VCF1: variants seen among roughly 807,000 people sequenced by gnomAD.
VCF1 encodes the protein protein VCF1.
the VCF1 span, among the ~76,000 whole-genome samples, chr17:73,225,402 T>C: frequency 1.3e-5 from 2 of 151,408 alleles, no homozygotes. Context: ...CTGCCTTACT[T>C]AAGAGATCAG....
the VCF1 span, chr17:73,209,793 G>A: frequency 6.5e-7 from 1 of 1,537,744 alleles, no homozygotes. Context: ...AAAGAAACAG[G>A]GTCACAATAA....
chr17:73,225,125 T>C, the VCF1 span, among the ~76,000 whole-genome samples: 1 of 146,274 alleles, frequency 6.8e-6, no homozygotes, highest in Non-Finnish European at 1.5e-5. Context: ...GATCTACCAG[T>C]GAGTTCAGAC....
chr17:73,219,542 C>A, the VCF1 span, among the ~76,000 whole-genome samples: 18 of 150,284 alleles, frequency 1.2e-4, no homozygotes, highest in East Asian at 3.3e-3. Flanking sequence ...TCCAGCTACT[C>A]GGGAGGCTGA....
the VCF1 span, among the ~76,000 whole-genome samples, chr17:73,231,813 G>A: frequency 4.0e-5 from 6 of 151,710 alleles, no homozygotes; most frequent in African/African-American, 1.2e-4. Context: ...TTCCGGGACC[G>A]ATCACACTTC....
the VCF1 span, chr17:73,209,654 G>A: frequency 8.4e-6 from 13 of 1,553,380 alleles, no homozygotes; most frequent in Non-Finnish European, 1.1e-5. Context: ...GGCGTGTTAG[G>A]GCTGGATCCG....
chr17:73,211,579 A>AAAG, the VCF1 span, among the ~76,000 whole-genome samples: 1 of 147,972 alleles, frequency 6.8e-6, no homozygotes, highest in African/African-American at 2.5e-5. Context: ...AAAAAAAAAA[A>AAAG]GGCCAGGCGC....
chr17:73,209,494 T>C, the VCF1 span: 2 of 1,559,890 alleles, frequency 1.3e-6, no homozygotes, highest in Non-Finnish European at 1.7e-6. Context: ...TGCACAGCGC[T>C]GTCCCTTCAC....
the VCF1 span, chr17:73,207,993 G>T: frequency 7.8e-7 from 1 of 1,277,452 alleles, no homozygotes; most frequent in Non-Finnish European, 1.0e-6. Flanking sequence ...CTATGTTGCA[G>T]CCTCTTCCAG....
the VCF1 span, among the ~76,000 whole-genome samples, chr17:73,217,189 A>C: frequency 1.3e-5 from 2 of 152,034 alleles, no homozygotes; most frequent in East Asian, 3.9e-4. Context: ...AAACCAAAAC[A>C]AAACAAAACA....
chr17:73,226,869 G>A, the VCF1 span, among the ~76,000 whole-genome samples: 94 of 152,262 alleles, frequency 6.2e-4, 3 homozygotes, highest in South Asian at 2.1e-4. Flanking sequence ...AAAGAAGTTC[G>A]CTGCTGAAAT....
At chr17:73,232,363 G>A in the VCF1 span, 9 of 1,466,160 alleles carry the variant, frequency 6.1e-6, no homozygotes, top group Non-Finnish European at 6.3e-6. Flanking sequence ...CATCCCAACC[G>A]CACCGACTGG....
chr17:73,212,882 T>C, the VCF1 span: 4 of 493,246 alleles, frequency 8.1e-6, no homozygotes, highest in African/African-American at 8.1e-5. Flanking sequence ...TTAGGGAAGA[T>C]TTCTGTACAT....
chr17:73,215,161 A>G, the VCF1 span, among the ~76,000 whole-genome samples: 1 of 152,252 alleles, frequency 6.6e-6, no homozygotes, highest in Non-Finnish European at 1.5e-5. Flanking sequence ...TCTGTGTGAA[A>G]AAGGATTCTA....
At chr17:73,228,728 G>C in the VCF1 span, among the ~76,000 whole-genome samples, 2 of 152,126 alleles carry the variant, frequency 1.3e-5, no homozygotes, top group Non-Finnish European at 2.9e-5. Context: ...TCATTAAATG[G>C]GTGTGCTTTT....
chr17:73,231,586 T>A, the VCF1 span, among the ~76,000 whole-genome samples: 15 of 152,328 alleles, frequency 9.8e-5, no homozygotes, highest in South Asian at 3.1e-3. Flanking sequence ...CCTTCTGTGT[T>A]CACAACCGTT....
At chr17:73,214,317 A>T in the VCF1 span, among the ~76,000 whole-genome samples, 3 of 25,994 alleles carry the variant, frequency 1.2e-4, no homozygotes, top group Non-Finnish European at 2.3e-4. Context: ...AACCAGCATT[A>T]AAAAAAAAAA....
the VCF1 span, among the ~76,000 whole-genome samples, chr17:73,213,476 T>A: frequency 6.6e-6 from 1 of 152,250 alleles, no homozygotes; most frequent in African/African-American, 2.4e-5. Context: ...ATATATAGTA[T>A]ATCAGTTGAT....
chr17:73,231,319 G>A, the VCF1 span, among the ~76,000 whole-genome samples: 1 of 152,118 alleles, frequency 6.6e-6, no homozygotes, highest in Non-Finnish European at 1.5e-5. Flanking sequence ...TTCTTGCAGA[G>A]GAAATTAAGA....
the VCF1 span, among the ~76,000 whole-genome samples, chr17:73,226,136 C>T: frequency 5.9e-5 from 9 of 151,828 alleles, no homozygotes; most frequent in African/African-American, 1.7e-4. Flanking sequence ...CTCCTGACCT[C>T]GTGATCTGCC....
Sources: allele counts gnomAD v4.1 joint callset (sites outside exome capture counted in the v4.1 genomes callset), GRCh38; gene constraint gnomAD v4.1.1; transcripts MANE v1.5; gene names NCBI Gene and HGNC (gene_info 2026-07-23, HGNC 2026-07-21).